The following ZFHX3 variants were observed in gnomAD, a reference collection of about 807,000 sequenced individuals.
The protein encoded by ZFHX3 is zinc finger homeobox 3.
A neutral mutation model predicts 279.1 loss-of-function variants in ZFHX3; 42 were observed. The observed-to-expected ratio is 0.15, with a 90% CI of 0.12 to 0.19. The LOEUF (loss-of-function observed/expected upper bound fraction) is 0.19. Among genes scored for constraint, ZFHX3 ranks in the 10% least tolerant of loss-of-function variants. The probability of loss-of-function intolerance (pLI) is 1.00; values close to 1 mark genes in which losing one functional copy is unlikely to be tolerated. For synonymous variants in ZFHX3, 2,293 were observed against 1,957.8 expected (o/e 1.17, Z -4.52); for missense variants, 4,981 against 4,754.0 (o/e 1.05, Z -1.40).
intron 5 of ZFHX3, among the ~76,000 whole-genome samples, chr16:73,228,323 T>C (rs2012667742): frequency 6.6e-6 from 1 of 152,182 alleles, no homozygotes; most frequent in Admixed American, 6.5e-5. Context: ...ATATTATGTG[T>C]TAAAACATTT....
intron 6 of ZFHX3, chr16:73,134,549 G>A (rs1040022272): frequency 6.6e-6 from 1 of 151,006 alleles, no homozygotes; most frequent in Admixed American, 6.6e-5. Flanking sequence ...TGCCCAGGCT[G>A]GTCTTGAACA....
At chr16:73,873,188 G>GGTGGTGGGTGGT (rs1567436512) in intron 1 of ZFHX3, among the ~76,000 whole-genome samples, 1 of 89,556 alleles carries the variant, frequency 1.1e-5, no homozygotes, top group Non-Finnish European at 2.2e-5. Context: ...GGTGGTGGTG[G>GGTGGTGGGTGGT]ATGGTGGGTG....
intron 3 of ZFHX3, among the ~76,000 whole-genome samples, chr16:72,901,204 G>A (rs1469802473): frequency 6.6e-6 from 1 of 152,134 alleles, no homozygotes; most frequent in Non-Finnish European, 1.5e-5. Context: ...TTCCTCCCTT[G>A]CTCTGCAGCC....
chr16:73,150,309 A>T (rs1045888529), intron 5 of ZFHX3, among the ~76,000 whole-genome samples: 2 of 152,208 alleles, frequency 1.3e-5, no homozygotes, highest in Non-Finnish European at 2.9e-5. Context: ...GGTGTGGCTC[A>T]GTAATCAAAT....
chr16:73,128,446 G>A (rs1966611046), intron 7 of ZFHX3, among the ~76,000 whole-genome samples: 1 of 152,190 alleles, frequency 6.6e-6, no homozygotes, highest in African/African-American at 2.4e-5. Flanking sequence ...CAGAGAGGTT[G>A]AAAGAATTCC....
chr16:73,719,268 T>C (rs541708309), intron 1 of ZFHX3, among the ~76,000 whole-genome samples: 1 of 152,272 alleles, frequency 6.6e-6, no homozygotes, highest in South Asian at 2.1e-4. Context: ...TTGGCAAAGT[T>C]TGCAAAAGTA....
chr16:73,772,696 G>A (rs909469620), intron 1 of ZFHX3, among the ~76,000 whole-genome samples: 5 of 152,090 alleles, frequency 3.3e-5, no homozygotes, highest in South Asian at 2.1e-4. Context: ...TCTCATCCTC[G>A]GCCTGCAGCT....
At chr16:73,794,636 G>A (rs1047726594) in intron 1 of ZFHX3, among the ~76,000 whole-genome samples, 3 of 152,148 alleles carry the variant, frequency 2.0e-5, no homozygotes, top group African/African-American at 7.2e-5. Flanking sequence ...AGAGTAGACA[G>A]TGCAAACTCA....
intron 7 of ZFHX3, chr16:73,127,683 T>C: frequency 8.6e-7 from 1 of 1,167,932 alleles, no homozygotes; most frequent in Non-Finnish European, 1.1e-6. Context: ...AAAACCCCGA[T>C]GCTTTTTCCT....
intron 4 of ZFHX3, among the ~76,000 whole-genome samples, chr16:73,272,236 G>A (rs905973886): frequency 1.3e-5 from 2 of 152,216 alleles, no homozygotes; most frequent in South Asian, 2.1e-4. Flanking sequence ...GATAGTGACA[G>A]TAGGTTGCAG....
chr16:73,045,324 A>T (rs1320745269), intron 1 of ZFHX3, among the ~76,000 whole-genome samples: 1 of 152,260 alleles, frequency 6.6e-6, no homozygotes, highest in Admixed American at 6.5e-5. Flanking sequence ...AAGATGAGCC[A>T]GGCCGGTCCT....
chr16:72,915,151 C>A (rs1010736903), intron 3 of ZFHX3, among the ~76,000 whole-genome samples: 1 of 152,200 alleles, frequency 6.6e-6, no homozygotes, highest in African/African-American at 2.4e-5. Flanking sequence ...TACCTGCACA[C>A]CCGCCCCACA....
chr16:72,978,644 G>A (rs975404692), intron 1 of ZFHX3, among the ~76,000 whole-genome samples: 7 of 152,186 alleles, frequency 4.6e-5, no homozygotes, highest in African/African-American at 1.2e-4. Flanking sequence ...GGGAGACATC[G>A]TTGGACTCTG....
At chr16:73,659,631 G>T (rs1027694571) in intron 2 of ZFHX3, among the ~76,000 whole-genome samples, 1 of 152,084 alleles carries the variant, frequency 6.6e-6, no homozygotes, top group Admixed American at 6.5e-5. Flanking sequence ...AGTATTCTTA[G>T]TTAACTGGAT....
In ZFHX3 at chr16:72,785,568, AC is replaced by A. The variant is rs1567502289; in HGVS notation, c.*1595del. 6.6e-6 allele frequency: 1 copy of A among 152,424 alleles called. No homozygotes were observed. The highest frequency in any genetic ancestry group is 2.4e-5 in the African/African-American group (1 of 41,366). The allele number at this position is 152,424 out of a possible 1,614,324, so 9.4% of individuals were successfully genotyped here. A position where few individuals can be genotyped will look rare whatever the true frequency, so the allele number is the denominator to read the frequency against. ...AGAAACAAATTCTCAAGTAACAAGA[AC>A]CCTTTCCCTTTTTTCTGCATCAGCA... On this transcript the variant is annotated 3_prime_UTR_variant, in exon 10 of 10. Coordinates refer to ENST00000268489, the MANE Select transcript of ZFHX3 (RefSeq NM_006885.4).
chr16:72,846,553 A>G (rs1219445762), intron 4 of ZFHX3, among the ~76,000 whole-genome samples: 1 of 152,220 alleles, frequency 6.6e-6, no homozygotes, highest in African/African-American at 2.4e-5. Flanking sequence ...CTGGGCACAT[A>G]TGGTCCTGAG....
intron 7 of ZFHX3, among the ~76,000 whole-genome samples, chr16:73,106,620 T>C (rs942479093): frequency 1.3e-5 from 2 of 152,186 alleles, no homozygotes; most frequent in Admixed American, 1.3e-4. Context: ...TGCACGGCAA[T>C]AACTAGAGAG....
Position 72,959,587 on chromosome 16 carries a change from C to T in ZFHX3, c.559G>A (p.Ala187Thr), listed in dbSNP as rs2144453648. ...AGGKQGDPSC[A>T]APVYPQIINT... ...ATGATCTGCGGGTACACGGGTGCAG[C>T]ACACGAAGGGTCCCCTTGCTTGCCC... The change falls in exon 2 of 10, where the codon GCT becomes ACT. Residue 187 changes from alanine to threonine, a missense_variant. Ala to Thr is a moderately conservative substitution (Grantham distance 58). Coordinates refer to ENST00000268489, the MANE Select transcript of ZFHX3 (RefSeq NM_006885.4). 1.2e-6 allele frequency: 2 copies of T among 1,614,176 alleles called. No homozygotes were observed. Among genetic ancestry groups the T allele is most frequent in the South Asian group, 1.1e-5 (1 of 91,082 alleles).
intron 7 of ZFHX3, among the ~76,000 whole-genome samples, chr16:73,105,304 CAT>C (rs565091539): frequency 2.5e-4 from 36 of 145,856 alleles, no homozygotes; most frequent in Admixed American, 4.2e-4. Context: ...CATATATATA[CAT>C]ATATATACAC....
Sources: allele counts gnomAD v4.1 joint callset (sites outside exome capture counted in the v4.1 genomes callset), GRCh38; gene constraint gnomAD v4.1.1; transcripts MANE v1.5; gene names NCBI Gene and HGNC (gene_info 2026-07-23, HGNC 2026-07-21).